The following FIGNL2 variants were observed in gnomAD, a reference collection of about 807,000 sequenced individuals.
FIGNL2 encodes fidgetin like 2, also known as fidgetin-like protein 2.
For synonymous variants in FIGNL2, 565 were observed against 484.0 expected, an observed-to-expected ratio of 1.17 and a Z score of -2.20; for missense variants, 1,060 against 950.2, an observed-to-expected ratio of 1.12 and a Z score of -1.52.
In FIGNL2 at chr12:51,821,969, A is replaced by C; in HGVS notation, c.445T>G (p.Cys149Gly). 2 of 1,557,636 alleles carry C rather than the reference A, an allele frequency of 1.3e-6. No homozygotes were observed. The highest frequency in any genetic ancestry group is 1.7e-6 in the Non-Finnish European group (2 of 1,152,626). The change falls in exon 2 of 2, where the codon TGC becomes GGC. Residue 149 changes from cysteine (C) to glycine (G), a missense_variant. Physicochemically the swap from Cys to Gly is radical, Grantham distance 159 (BLOSUM62 -3). Transcript: ENST00000618634. Reference protein sequence around the residue: ...LPEPLYAGNACGGPSAAPEYA... With the variant: ...LPEPLYAGNAGGGPSAAPEYA... ...TCGGGCGCCGCCGATGGGCCCCCGCACGCATTGCCGGCGTAGAGGGGTTCA... is the reference window on the plus strand; with the variant it reads ...TCGGGCGCCGCCGATGGGCCCCCGCCCGCATTGCCGGCGTAGAGGGGTTCA...
intron 1 of FIGNL2, chr12:51,838,123 C>T (rs1029077554): frequency 1.3e-5 from 2 of 152,410 alleles, no homozygotes; most frequent in African/African-American, 4.8e-5. Context: ...GCCCACCACA[C>T]CACACCCCAC....
chr12:51,830,769 C>T (rs945559985), intron 1 of FIGNL2, among the ~76,000 whole-genome samples: 10 of 152,062 alleles, frequency 6.6e-5, no homozygotes, highest in Middle Eastern at 3.4e-3. Context: ...GGATTACAGG[C>T]ATGAGCCACC....
chr12:51,836,282 T>C (rs952736540), intron 1 of FIGNL2, among the ~76,000 whole-genome samples: 1 of 152,022 alleles, frequency 6.6e-6, no homozygotes, highest in Non-Finnish European at 1.5e-5. Flanking sequence ...GAGAGGAAGG[T>C]AGGACAGGGC....
At chr12:51,828,952 AC>A (rs1939399520) in intron 1 of FIGNL2, among the ~76,000 whole-genome samples, 1 of 151,994 alleles carries the variant, frequency 6.6e-6, no homozygotes, top group Non-Finnish European at 1.5e-5. Flanking sequence ...CCCTCCTCCA[AC>A]CCCCGAAGGA....
intron 1 of FIGNL2, among the ~76,000 whole-genome samples, chr12:51,843,040 C>T (rs138306888): frequency 6.6e-6 from 1 of 152,308 alleles, no homozygotes; most frequent in African/African-American, 2.4e-5. Context: ...CCCTTGGGCT[C>T]TCCCTGGCCA....
rs1939803932 is a variant in FIGNL2 at position 51,848,667 on chromosome 12, T to C, written c.-139A>G. The stretch of plus-strand genomic sequence containing the variant: ...TGGGGGGCAGTGGCGCTCACCATCC[T>C]GGAGCCGCTGCTGCTGCGGCTGCTG... On this transcript the variant is annotated 5_prime_UTR_variant, in exon 1 of 2. Coordinates refer to ENST00000618634, the MANE Select transcript of FIGNL2 (RefSeq NM_001384995.1). 19 of 429,792 alleles carry C rather than the reference T, an allele frequency of 4.4e-5. No homozygotes were observed. The highest frequency in any genetic ancestry group is 5.9e-5 in the Non-Finnish European group (19 of 322,442). 26.6% of individuals were successfully genotyped at this position (429,792 alleles called of 1,614,324 possible). A position where few individuals can be genotyped will look rare whatever the true frequency, so the allele number is the denominator to read the frequency against.
chr12:51,825,833 G>A (rs908323895), intron 1 of FIGNL2: 4 of 151,862 alleles, frequency 2.6e-5, no homozygotes, highest in African/African-American at 7.3e-5. Context: ...AGCCAGGATG[G>A]TCTCGATCTC....
chr12:51,824,112 A>G (rs1324068373), intron 1 of FIGNL2: 2 of 152,170 alleles, frequency 1.3e-5, no homozygotes, highest in African/African-American at 4.8e-5. Flanking sequence ...TCCTCAAGGG[A>G]CTTTACTGCC....
Position 51,820,862 on chromosome 12 carries a change from G to C in FIGNL2, c.1552C>G (p.Leu518Val). ...GALQVPLLAC[L>V]DGGCGAGADG... ...GCCCCCGCGCCGCAGCCCCCGTCCA[G>C]GCAGGCCAGGAGCGGCACCTGCAGC... is the stretch of plus-strand genomic sequence containing the variant. The change falls in exon 2 of 2, where the codon CTG (leucine) becomes GTG (valine). Residue 518 changes from leucine to valine, a missense_variant. Leu to Val is a conservative substitution (Grantham distance 32). Coordinates refer to ENST00000618634, the MANE Select transcript of FIGNL2 (RefSeq NM_001384995.1). 1.4e-6 allele frequency: 2 copies of C among 1,442,408 alleles called. No homozygotes were observed. The highest frequency in any genetic ancestry group is 4.9e-4 in the Middle Eastern group (2 of 4,114). 89.4% of individuals were successfully genotyped at this position (1,442,408 alleles called of 1,614,324 possible).
Position 51,820,910 on chromosome 12 carries a change from C to A in FIGNL2, c.1504G>T (p.Asp502Tyr). 1 of 1,331,880 alleles carries A rather than the reference C, an allele frequency of 7.5e-7. No homozygotes were observed. The highest frequency in any genetic ancestry group is 2.1e-5 in the South Asian group (1 of 48,636). The allele number at this position is 1,331,880 out of a possible 1,614,324, so 82.5% of individuals were successfully genotyped here. The change falls in exon 2 of 2, where the codon GAC becomes TAC. Residue 502 changes from aspartate (D) to tyrosine (Y), a missense_variant. Transcript: ENST00000618634. ...AGCGCGCCCCCTGCCGCCGCGCCGT[C>A]GTCCCGGGCGGGGAGCAGCGCCTCT... ...ELEALLPARD[D>Y]GAAAGGALQV...
At position 51,821,906 on chromosome 12, in the gene FIGNL2, C is replaced by A; in HGVS notation, c.508G>T (p.Gly170Cys). The change falls in exon 2 of 2, where the codon GGT (glycine) becomes TGT (cysteine). Residue 170 changes from glycine (G) to cysteine (C), a missense_variant. Transcript: ENST00000618634. ...GCGGCGCCCGTCTGCGCGCAGTAACCCGGCGCCAGGTACCCCCCGCCGTAG... is the reference window on the plus strand; with the variant it reads ...GCGGCGCCCGTCTGCGCGCAGTAACACGGCGCCAGGTACCCCCCGCCGTAG... ...AGYGGGYLAP[G>C]YCAQTGAALP... 1 of 1,466,956 alleles carries A rather than the reference C, an allele frequency of 6.8e-7. No homozygotes were observed. 90.9% of individuals were successfully genotyped at this position (1,466,956 alleles called of 1,614,324 possible). A position where few individuals can be genotyped will look rare whatever the true frequency, so the allele number is the denominator to read the frequency against.
At chr12:51,826,678 A>G (rs2138980457) in intron 1 of FIGNL2, among the ~76,000 whole-genome samples, 1 of 150,940 alleles carries the variant, frequency 6.6e-6, no homozygotes, top group South Asian at 2.1e-4. Flanking sequence ...ACCAGGAAGC[A>G]GGGCACCAGG....
In FIGNL2 at chr12:51,848,322, C is replaced by T. The variant is rs529359376; in HGVS notation, c.-12+218G>A. On this transcript the variant is annotated intron_variant, in intron 1 of 1. Transcript: ENST00000618634. ...GGCCGGGCGGCTATCCCCTGCTCTG[C>T]CCGCCCCCTCCCCCCGAGAAGTGAC... The T allele has an allele frequency of 4.1e-4, 403 of 979,572 alleles. 3 individuals are homozygous for T. The African/African-American group carries it at 6.5e-3, about 16-fold the overall frequency. 60.7% of individuals were successfully genotyped at this position (979,572 alleles called of 1,614,324 possible). A position where few individuals can be genotyped will look rare whatever the true frequency, so the allele number is the denominator to read the frequency against.
At chr12:51,836,887 C>T (rs570478624) in intron 1 of FIGNL2, among the ~76,000 whole-genome samples, 12 of 152,254 alleles carry the variant, frequency 7.9e-5, no homozygotes, top group Admixed American at 3.9e-4. Flanking sequence ...CTCACACAGG[C>T]GCACATGCCG....
At chr12:51,825,267 A>G (rs1322981089) in intron 1 of FIGNL2, among the ~76,000 whole-genome samples, 2 of 152,216 alleles carry the variant, frequency 1.3e-5, no homozygotes, top group Admixed American at 1.3e-4. Context: ...CAGACACAGT[A>G]AATGAAGAAG....
chr12:51,839,741 A>G (rs191915258), intron 1 of FIGNL2, among the ~76,000 whole-genome samples: 1 of 152,174 alleles, frequency 6.6e-6, no homozygotes, highest in Admixed American at 6.5e-5. Context: ...CCAATGCCCA[A>G]TTTAGAGGTG....
At chr12:51,848,406 G>A (rs528404056) in intron 1 of FIGNL2, 134 bp downstream of exon 1, 39 of 980,420 alleles carry the variant, frequency 4.0e-5, no homozygotes, top group African/African-American at 3.0e-4. Flanking sequence ...GACCCCCGCC[G>A]AGCTGAACCC....
At chr12:51,823,792 AT>A (rs539166014) in intron 1 of FIGNL2, among the ~76,000 whole-genome samples, 11 of 152,366 alleles carry the variant, frequency 7.2e-5, no homozygotes, top group African/African-American at 2.6e-4. Context: ...TATGGAGCAC[AT>A]TCCAAGTGTT....
chr12:51,822,208 C>G lies in FIGNL2; in HGVS notation c.206G>C (p.Gly69Ala), dbSNP rs777992938. The change falls in exon 2 of 2, where the codon GGG becomes GCG. Residue 69 changes from glycine (G) to alanine (A), a missense_variant. Coordinates refer to ENST00000618634, the MANE Select transcript of FIGNL2 (RefSeq NM_001384995.1). ...LLKRYAEKYS[G>A]VLDSPYERPA... ...ACGCTCGTAGGGAGAATCCAAGACC[C>G]CAGAGTACTTCTCTGCATAGCGCTT... The G allele has an allele frequency of 6.2e-7, 1 of 1,611,854 alleles. No homozygotes were observed. Among genetic ancestry groups the G allele is most frequent in the Non-Finnish European group, 8.5e-7 (1 of 1,179,110 alleles).
Sources: gnomAD v4.1 joint callset for allele counts (sites outside exome capture counted in the v4.1 genomes callset) on GRCh38, gnomAD v4.1.1 for gene constraint, MANE v1.5 for transcripts, NCBI Gene and HGNC (gene_info 2026-07-23, HGNC 2026-07-21) for gene names.